Variants in NRG1 observed in about 807,000 individuals in gnomAD.
NRG1 encodes the protein neuregulin 1.
NRG1 carries 18 observed loss-of-function variants against 63.8 expected under a neutral mutation model. That is an observed-to-expected ratio of 0.28 (90% CI 0.19 to 0.42). NRG1 has a LOEUF of 0.42. NRG1 is among the 10% of genes least tolerant of loss of function. The probability of loss-of-function intolerance (pLI) is 1.00; values close to 1 mark genes in which losing one functional copy is unlikely to be tolerated. For missense variants in NRG1, 762 were observed against 814.7 expected, an observed-to-expected ratio of 0.94 and a Z score of 0.79; for synonymous variants, 302 against 301.3, an observed-to-expected ratio of 1.00 and a Z score of -0.02.
At chr8:32,108,214 G>C (rs1218677232) in intron 1 of NRG1, among the ~76,000 whole-genome samples, 1 of 152,148 alleles carries the variant, frequency 6.6e-6, no homozygotes, top group East Asian at 1.9e-4. Context: ...AACATTGCAG[G>C]TAGAATTAAA....
chr8:31,996,617 T>C (rs1812011019), intron 1 of NRG1, among the ~76,000 whole-genome samples: 1 of 151,876 alleles, frequency 6.6e-6, no homozygotes, highest in South Asian at 2.1e-4. Flanking sequence ...CCCATGCCCA[T>C]GCCTGTGGCC....
At chr8:31,840,467 A>T (rs55727265) in intron 1 of NRG1, among the ~76,000 whole-genome samples, 3,237 of 150,526 alleles carry the variant, frequency 0.022, 37 homozygotes, top group South Asian at 0.049. Context: ...GTCTGACTGC[A>T]TTCCACCTGG....
intron 11 of NRG1, chr8:32,761,058 T>A: frequency 2.1e-6 from 2 of 937,844 alleles, no homozygotes; most frequent in Admixed American, 6.2e-5. Context: ...TATTCCAGAA[T>A]GTTTTGGCTT....
intron 5 of NRG1, among the ~76,000 whole-genome samples, chr8:32,623,059 GTCT>G (rs1848618034): frequency 1.3e-5 from 2 of 152,172 alleles, no homozygotes. Context: ...AATCCAGGAA[GTCT>G]TCTATGAAAT....
chr8:31,714,857 T>G (rs923943239), intron 1 of NRG1, among the ~76,000 whole-genome samples: 2 of 152,198 alleles, frequency 1.3e-5, no homozygotes, highest in African/African-American at 2.4e-5. Context: ...GAAGATATGA[T>G]TAAAAAATGA....
At chr8:32,750,260 T>A (rs1022053263) in intron 7 of NRG1, among the ~76,000 whole-genome samples, 2 of 152,200 alleles carry the variant, frequency 1.3e-5, no homozygotes, top group African/African-American at 4.8e-5. Context: ...ATTTGAGTCA[T>A]GAAGATTATC....
At chr8:32,191,196 T>TGCCTC (rs1842461598) in intron 1 of NRG1, among the ~76,000 whole-genome samples, 1 of 152,104 alleles carries the variant, frequency 6.6e-6, no homozygotes, top group Non-Finnish European at 1.5e-5. Context: ...GAGATTCTTC[T>TGCCTC]GCCTCAGCCT....
intron 1 of NRG1, among the ~76,000 whole-genome samples, chr8:31,912,158 C>T (rs1268569290): frequency 6.6e-6 from 1 of 152,174 alleles, no homozygotes; most frequent in African/African-American, 2.4e-5. Context: ...GGAGTAAGCA[C>T]AGGGCCAAAT....
At chr8:32,450,318 T>C (rs1223017001) in intron 1 of NRG1, among the ~76,000 whole-genome samples, 1 of 152,090 alleles carries the variant, frequency 6.6e-6, no homozygotes, top group African/African-American at 2.4e-5. Context: ...GTGAGACCAT[T>C]ACTTGAGGCC....
chr8:31,781,676 G>T (rs1819699614), intron 1 of NRG1, among the ~76,000 whole-genome samples: 1 of 152,054 alleles, frequency 6.6e-6, no homozygotes, highest in Non-Finnish European at 1.5e-5. Flanking sequence ...GCCTAAAAAG[G>T]TAGCCAAGAT....
chr8:31,903,451 GC>G (rs1199261083), intron 1 of NRG1, among the ~76,000 whole-genome samples: 6 of 151,934 alleles, frequency 3.9e-5, no homozygotes, highest in African/African-American at 1.4e-4. Flanking sequence ...GCCCGGCCGA[GC>G]CTTCAACTTG....
intron 1 of NRG1, among the ~76,000 whole-genome samples, chr8:31,690,623 G>A (rs960617357): frequency 2.0e-5 from 3 of 148,082 alleles, no homozygotes; most frequent in African/African-American, 7.5e-5. Context: ...AGCAATGAAC[G>A]CGATGTAAAC....
At chr8:31,977,834 C>A (rs1409327592) in intron 1 of NRG1, among the ~76,000 whole-genome samples, 1 of 151,860 alleles carries the variant, frequency 6.6e-6, no homozygotes, top group East Asian at 1.9e-4. Context: ...TTCATTTATT[C>A]TTTATTCCTA....
downstream of NRG1, among the ~76,000 whole-genome samples, chr8:32,772,039 ATGT>A (rs60745295): frequency 3.2e-3 from 144 of 45,156 alleles, 8 homozygotes; most frequent in East Asian, 9.9e-3. Flanking sequence ...AAAAAAAAAT[ATGT>A]ATATATATAT....
chr8:31,902,553 A>G lies in NRG1; in HGVS notation c.37+263122A>G, dbSNP rs147257029. On this transcript the variant is annotated intron_variant, in intron 1 of 10. Transcript: ENST00000519301. ...TCAAAAGTTAAATACTTACCAGGCT[A>G]TTATCACTATAGAAAACAAAGGATG... Among the ~76,000 whole-genome samples, 14 of 152,336 alleles carry G rather than the reference A, an allele frequency of 9.2e-5. 1 individual carries two copies. The East Asian group carries it at 2.5e-3, about 27-fold the overall frequency.
intron 1 of NRG1, among the ~76,000 whole-genome samples, chr8:32,014,406 C>T (rs957355972): frequency 2.0e-5 from 3 of 152,018 alleles, no homozygotes; most frequent in African/African-American, 7.2e-5. Context: ...GATTTTGTAT[C>T]CTGAGACTTT....
At chr8:32,670,974 T>C (rs1409166092) in intron 5 of NRG1, among the ~76,000 whole-genome samples, 1 of 152,126 alleles carries the variant, frequency 6.6e-6, no homozygotes. Flanking sequence ...ACATCTCACA[T>C]TGAGAGGAGG....
chr8:32,280,679 G>GTT (rs1563264763), intron 1 of NRG1, among the ~76,000 whole-genome samples: 2 of 95,148 alleles, frequency 2.1e-5, no homozygotes, highest in African/African-American at 7.9e-5. Context: ...AACTGAATTA[G>GTT]GTTTTTTTTT....
intron 1 of NRG1, among the ~76,000 whole-genome samples, chr8:32,401,109 T>C (rs1290261614): frequency 1.3e-5 from 2 of 151,726 alleles, no homozygotes; most frequent in South Asian, 2.1e-4. Flanking sequence ...TATGGATACA[T>C]GGAGGGGAAC....
Sources: allele counts gnomAD v4.1 joint callset (sites outside exome capture counted in the v4.1 genomes callset), GRCh38; gene constraint gnomAD v4.1.1; transcripts MANE v1.5; gene names NCBI Gene and HGNC (gene_info 2026-07-23, HGNC 2026-07-21).